ZNF2: variants seen among roughly 807,000 people sequenced by gnomAD.
The protein encoded by ZNF2 is zinc finger protein 2, also known as zinc finger protein 2.2.
Under a neutral mutation model 21.9 loss-of-function variants are expected in ZNF2, and 12 were observed. The ratio of observed to expected loss-of-function variants is 0.55; its 90% CI spans 0.35 to 0.89. ZNF2 has a LOEUF of 0.89. ZNF2 is among the 40% of genes least tolerant of loss of function. The pLI is 0.01. For missense variants in ZNF2, 462 were observed against 544.2 expected (o/e 0.85, Z 1.50); for synonymous variants, 186 against 196.3 (o/e 0.95, Z 0.44).
chr2:95,173,999 G>A lies in ZNF2; in HGVS notation c.-39-2189G>A, dbSNP rs745357612. ...GCTGGGATTACAGGCGTGAGCCACCGTGCCAGGCCAAGATGATGTTTAATA... is the reference window on the plus strand; with the variant it reads ...GCTGGGATTACAGGCGTGAGCCACCATGCCAGGCCAAGATGATGTTTAATA... On this transcript the variant is annotated intron_variant, in intron 1 of 4. Transcript: ENST00000614034. Among the ~76,000 whole-genome samples the A allele has an allele frequency of 1.1e-4, 17 of 152,300 alleles. No homozygotes were observed. The East Asian group carries it at 2.1e-3, about 19-fold the overall frequency.
Position 95,176,530 on chromosome 2 carries a change from G to T in ZNF2, c.33+271G>T, listed in dbSNP as rs141378234. Among the ~76,000 whole-genome samples, 512 of 152,312 alleles carry T rather than the reference G, an allele frequency of 3.4e-3. 3 individuals carry two copies. Among genetic ancestry groups the T allele is most frequent in the African/African-American group, 0.012 (494 of 41,546 alleles). ...TAGAAGCCAATGGTAGGGTCTGATT[G>T]GAAGGTTTGGGGAATAGTGGGCTGG... On this transcript the variant is annotated intron_variant, in intron 2 of 4. Transcript: ENST00000614034.
intron 1 of ZNF2, among the ~76,000 whole-genome samples, chr2:95,171,754 T>C (rs1674279389): frequency 1.3e-5 from 2 of 152,186 alleles, no homozygotes; most frequent in Non-Finnish European, 2.9e-5. Context: ...TTGTCATCTT[T>C]CTTATTTAAT....
In ZNF2 at chr2:95,172,492, T is replaced by G. The variant is rs201427358; in HGVS notation, c.-39-3696T>G. Among the ~76,000 whole-genome samples, 7 of 152,326 alleles carry G rather than the reference T, an allele frequency of 4.6e-5. No individual in the cohort carries two copies. In the East Asian group the frequency reaches 1.3e-3, roughly 29 times the overall value. ...GTTGAAAAAAATATATGAAGAATGG[T>G]AAGAAAATAAAAATAACTTATAACT... On this transcript the variant is annotated intron_variant, in intron 1 of 4. Transcript: ENST00000614034.
chr2:95,181,065 C>A, intron 4 of ZNF2, 38 bp from the exon 5 acceptor site: 1 of 1,593,756 alleles, frequency 6.3e-7, no homozygotes, highest in South Asian at 1.1e-5. Flanking sequence ...ATTTCCTAGC[C>A]CAGGAAAAAA....
chr2:95,180,480 T>G (rs1004876839), intron 4 of ZNF2, among the ~76,000 whole-genome samples: 4 of 152,158 alleles, frequency 2.6e-5, no homozygotes, highest in African/African-American at 9.7e-5. Context: ...TTCTCACGTC[T>G]GTAACGTTGT....
intron 1 of ZNF2, among the ~76,000 whole-genome samples, chr2:95,171,883 G>A (rs1409462495): frequency 1.3e-5 from 2 of 152,152 alleles, no homozygotes; most frequent in South Asian, 4.1e-4. Context: ...ATCACCCCAG[G>A]TTCAGGGATT....
At chr2:95,177,736 G>A (rs1257075114) in intron 3 of ZNF2, 127 bp downstream of exon 3, 4 of 1,241,192 alleles carry the variant, frequency 3.2e-6, no homozygotes, top group African/African-American at 3.0e-5. Flanking sequence ...AGTAAGAGTC[G>A]AAAGATGTGG....
intron 1 of ZNF2, among the ~76,000 whole-genome samples, chr2:95,168,018 C>T (rs1023795392): frequency 6.6e-6 from 1 of 151,664 alleles, no homozygotes. Context: ...AACTGCTTTG[C>T]TAGAAGGAGG....
In ZNF2 at chr2:95,176,235, T is replaced by C. The variant is rs551214158; in HGVS notation, c.9T>C (p.Ala3=). 390 of 1,614,158 alleles carry C rather than the reference T, an allele frequency of 2.4e-4. 4 individuals are homozygous for C. The highest frequency in any genetic ancestry group is 2.3e-3 in the South Asian group (205 of 91,080). Residue 3 remains alanine (A), a synonymous_variant, in exon 2 of 5, where the codon GCT becomes GCC. Transcript: ENST00000614034. The stretch of plus-strand genomic sequence containing the variant: ...AGAGCACACAGGAGAGAATGGCTGC[T>C]GTGTCTCCGACCACCAGATGCCAGG... The part of the protein sequence containing the change: MA[A]VSPTTRCQES...
In ZNF2 at chr2:95,181,699, G is replaced by A; in HGVS notation, c.871G>A (p.Gly291Arg). Residue 291 changes from glycine (G) to arginine (R), a missense_variant, in exon 5 of 5, where the codon GGG becomes AGG. Physicochemically the swap from Gly to Arg is moderately radical, Grantham distance 125. Coordinates refer to ENST00000614034, the MANE Select transcript of ZNF2 (RefSeq NM_021088.4). ...AAGTCCTTATGAATGTCATCAGTGT[G>A]GGAAAGCCTTTAGCCAGAAAAGTAT... is the stretch of plus-strand genomic sequence containing the variant. ...GESPYECHQCGKAFSQKSILT... is the reference protein window; with the variant it reads ...GESPYECHQCRKAFSQKSILT... 1 of 1,614,224 alleles carries A rather than the reference G, an allele frequency of 6.2e-7. No homozygotes were observed. The highest frequency in any genetic ancestry group is 1.1e-5 in the South Asian group (1 of 91,078).
At chr2:95,177,719 G>A (rs1324420376) in intron 3 of ZNF2, 110 bp downstream of exon 3, 1 of 1,371,896 alleles carries the variant, frequency 7.3e-7, no homozygotes, top group Non-Finnish European at 9.8e-7. Flanking sequence ...AGCCACCTGA[G>A]AGATAAAGTA....
chr2:95,169,673 C>T (rs543886771), intron 1 of ZNF2, among the ~76,000 whole-genome samples: 97 of 152,126 alleles, frequency 6.4e-4, no homozygotes, highest in Admixed American at 6.1e-3. Context: ...TCGCTTGAAC[C>T]GGGGAGGCAG....
intron 1 of ZNF2, 130 bp from the exon 2 acceptor site, chr2:95,176,058 T>G (rs1475290829): frequency 1.2e-6 from 1 of 848,312 alleles, no homozygotes; most frequent in Non-Finnish European, 2.0e-6. Context: ...TTTGCTTTAC[T>G]TAGACCCCCT....
At chr2:95,178,036 G>C (rs1040099582) in intron 3 of ZNF2, among the ~76,000 whole-genome samples, 2 of 152,150 alleles carry the variant, frequency 1.3e-5, no homozygotes, top group African/African-American at 4.8e-5. Flanking sequence ...GCTGGGGTAG[G>C]GGGCCATCTT....
chr2:95,167,336 C>T (rs1355451715), intron 1 of ZNF2, among the ~76,000 whole-genome samples: 9 of 151,956 alleles, frequency 5.9e-5, no homozygotes, highest in African/African-American at 1.7e-4. Context: ...AACCCCGTCT[C>T]TACTAAAAAA....
intron 1 of ZNF2, among the ~76,000 whole-genome samples, chr2:95,167,890 G>A (rs1674137047): frequency 6.6e-6 from 1 of 151,912 alleles, no homozygotes; most frequent in Admixed American, 6.6e-5. Context: ...GCCATTTCAG[G>A]TGTGTGAGGG....
rs1006025546 is a variant in ZNF2 at position 95,183,911 on chromosome 2, T to C, written c.*1805T>C. The C allele has an allele frequency of 7.2e-5, 11 of 152,206 alleles. No homozygotes were observed. The highest frequency in any genetic ancestry group is 2.4e-4 in the African/African-American group (10 of 41,448). 9.4% of individuals were successfully genotyped at this position (152,206 alleles called of 1,614,324 possible). On this transcript the variant is annotated 3_prime_UTR_variant, in exon 5 of 5. Coordinates refer to ENST00000614034, the MANE Select transcript of ZNF2 (RefSeq NM_021088.4). ...CTGGGATTACAGACGTAAGTCACCG[T>C]GCCCGGCCTATATTTTTATTTTATT...
rs935676000 is a variant in ZNF2, at chr2:95,183,434, G to C, written c.*1328G>C. ...TCACAGTTATATTTTGCATACTACTGTTAAGCCAGTCTTTGCAAATGACCC... is the reference window on the plus strand; with the variant it reads ...TCACAGTTATATTTTGCATACTACTCTTAAGCCAGTCTTTGCAAATGACCC... On this transcript the variant is annotated 3_prime_UTR_variant, in exon 5 of 5. Coordinates refer to ENST00000614034, the MANE Select transcript of ZNF2 (RefSeq NM_021088.4). The C allele has an allele frequency of 2.0e-5, 3 of 152,106 alleles. No individual in the cohort carries two copies. Among genetic ancestry groups the C allele is most frequent in the Admixed American group, 6.6e-5 (1 of 15,264 alleles). The allele number at this position is 152,106 out of a possible 1,614,324, so 9.4% of individuals were successfully genotyped here.
In ZNF2 at chr2:95,177,597, AT is replaced by A. The variant is rs758928849; in HGVS notation, c.150del (p.Ile50MetfsTer13). On this transcript the variant is annotated frameshift_variant, in exon 3 of 5. Coordinates refer to ENST00000614034, the MANE Select transcript of ZNF2 (RefSeq NM_021088.4). LOFTEE classifies it high-confidence loss of function. ...KEVMLENYNS[I>X]VSLGLPVPQP... ...GGTGATGCTGGAGAACTATAACAGC[AT>A]TGTGTCATTGGGTAAGGGGAGCCTC... 1 of 1,613,850 alleles carries A rather than the reference AT, an allele frequency of 6.2e-7. No homozygotes were observed. The highest frequency in any genetic ancestry group is 8.5e-7 in the Non-Finnish European group (1 of 1,179,874).
Sources: allele counts gnomAD v4.1 joint callset (sites outside exome capture counted in the v4.1 genomes callset), GRCh38; gene constraint gnomAD v4.1.1; transcripts MANE v1.5; gene names NCBI Gene and HGNC (gene_info 2026-07-23, HGNC 2026-07-21).